QPRT: variants seen among roughly 807,000 people sequenced by gnomAD.
QPRT encodes the protein quinolinate phosphoribosyltransferase, also known as nicotinate-nucleotide pyrophosphorylase [carboxylating].
In QPRT, 17 loss-of-function variants were observed where a neutral mutation model predicts 19.8. That is an observed-to-expected ratio of 0.86 (90% CI 0.59 to 1.29). The LOEUF is 1.29. Ranked by LOEUF, QPRT falls within the 50% of genes most tolerant of loss-of-function variation. The pLI, the probability that QPRT is intolerant of heterozygous loss-of-function variation, is 0.00. For missense variants in QPRT, 336 were observed against 405.1 expected (o/e 0.83, Z 1.46); for synonymous variants, 178 against 191.0 (o/e 0.93, Z 0.56).
intron 1 of QPRT, among the ~76,000 whole-genome samples, chr16:29,692,090 A>C (rs1405601325): frequency 1.3e-5 from 2 of 152,162 alleles, no homozygotes; most frequent in African/African-American, 2.4e-5. Context: ...AGGGGAAGCC[A>C]ACTCCACGGA....
intron 1 of QPRT, among the ~76,000 whole-genome samples, chr16:29,680,502 G>A (rs1171355474): frequency 6.6e-6 from 1 of 152,056 alleles, no homozygotes; most frequent in Non-Finnish European, 1.5e-5. Context: ...CTAAACTGGC[G>A]CCCCGTAAAC....
Position 29,697,590 on chromosome 16 carries a change from A to G in QPRT, c.*179A>G. ...GTCAGGGCTGACTTCACCTCTGCTCATCTCAGTTTCCTAATCTGTAAAATG... is the reference window on the plus strand; with the variant it reads ...GTCAGGGCTGACTTCACCTCTGCTCGTCTCAGTTTCCTAATCTGTAAAATG... On this transcript the variant is annotated 3_prime_UTR_variant, in exon 4 of 4. Transcript: ENST00000395384. The surrounding 1 kb of genome is among the most constrained non-coding windows in gnomAD (Gnocchi z 4.4). 1 of 639,474 alleles carries G rather than the reference A, an allele frequency of 1.6e-6. No homozygotes were observed. The highest frequency in any genetic ancestry group is 2.0e-5 in the South Asian group (1 of 49,660). The allele number at this position is 639,474 out of a possible 1,614,324, so 39.6% of individuals were successfully genotyped here. A position where few individuals can be genotyped will look rare whatever the true frequency, so the allele number is the denominator to read the frequency against.
chr16:29,697,576 C>T lies in QPRT; in HGVS notation c.*165C>T, dbSNP rs1967589250. On this transcript the variant is annotated 3_prime_UTR_variant, in exon 4 of 4. Transcript: ENST00000395384. The surrounding 1 kb of genome is among the most constrained non-coding windows in gnomAD (Gnocchi z 4.4). ...TGCTCCTGTGACCTGTCAGGGCTGA[C>T]TTCACCTCTGCTCATCTCAGTTTCC... 3 of 685,166 alleles carry T rather than the reference C, an allele frequency of 4.4e-6. No homozygotes were observed. The highest frequency in any genetic ancestry group is 7.2e-6 in the Non-Finnish European group (3 of 414,384). The allele number at this position is 685,166 out of a possible 1,614,324, so 42.4% of individuals were successfully genotyped here.
At chr16:29,684,803 G>A (rs772365072) in intron 1 of QPRT, among the ~76,000 whole-genome samples, 4 of 152,188 alleles carry the variant, frequency 2.6e-5, no homozygotes, top group African/African-American at 7.2e-5. Context: ...ACCAGGCCAC[G>A]ATTCAGGAAA....
chr16:29,685,176 T>G (rs1279024549), intron 1 of QPRT, among the ~76,000 whole-genome samples: 1 of 152,148 alleles, frequency 6.6e-6, no homozygotes, highest in African/African-American at 2.4e-5. Flanking sequence ...TTTTTTCAAA[T>G]TAATTATTTG....
At chr16:29,686,289 C>T (rs944278069) in intron 1 of QPRT, among the ~76,000 whole-genome samples, 3 of 152,182 alleles carry the variant, frequency 2.0e-5, no homozygotes, top group Non-Finnish European at 2.9e-5. Flanking sequence ...CCCACCCCGA[C>T]ACTGTCTGCA....
upstream of QPRT, chr16:29,679,159 G>T (rs751329846): frequency 6.2e-7 from 1 of 1,613,790 alleles, no homozygotes; most frequent in Non-Finnish European, 8.5e-7. Flanking sequence ...CCTTGGTCCT[G>T]AGCAGCCAAC....
chr16:29,691,937 T>A (rs1567331138), intron 1 of QPRT, among the ~76,000 whole-genome samples: 3 of 152,186 alleles, frequency 2.0e-5, no homozygotes, highest in Admixed American at 6.5e-5. Flanking sequence ...GAGAGGGCCC[T>A]CTTTGGAGAG....
Position 29,697,624 on chromosome 16 carries a change from A to G in QPRT, c.*213A>G, listed in dbSNP as rs1216074299. 1.7e-6 allele frequency: 1 copy of G among 588,048 alleles called. No individual in the cohort carries two copies. Among genetic ancestry groups the G allele is most frequent in the Admixed American group, 3.2e-5 (1 of 31,722 alleles). The allele number at this position is 588,048 out of a possible 1,614,324, so 36.4% of individuals were successfully genotyped here. The stretch of plus-strand genomic sequence containing the variant: ...TCCTAATCTGTAAAATGGGTCTAAT[A>G]AAGGATCAACCACATGGGGTTCTGC... On this transcript the variant is annotated 3_prime_UTR_variant, in exon 4 of 4. Transcript: ENST00000395384. The surrounding 1 kb of genome is among the most constrained non-coding windows in gnomAD (Gnocchi z 4.4).
At chr16:29,691,109 A>C (rs896549071) in intron 1 of QPRT, among the ~76,000 whole-genome samples, 12 of 152,048 alleles carry the variant, frequency 7.9e-5, no homozygotes, top group Admixed American at 7.9e-4. Flanking sequence ...TCACGCCTGT[A>C]ATCCCAGCAC....
Position 29,694,807 on chromosome 16 carries a change from G to GTAC in QPRT, c.159_161dup (p.Leu54dup). 1 of 1,614,072 alleles carries GTAC rather than the reference G, an allele frequency of 6.2e-7. No homozygotes were observed. The highest frequency in any genetic ancestry group is 1.3e-5 in the African/African-American group (1 of 75,048). On this transcript the variant is annotated inframe_insertion, in exon 2 of 4. Coordinates refer to ENST00000395384, the MANE Select transcript of QPRT (RefSeq NM_014298.6). ...GGCGCTGTGGGCCAAATCCCCTGGG[G>GTAC]TACTGGCAGGGCAGCCTTTCTTCGA...
At position 29,697,038 on chromosome 16, in the gene QPRT, G is replaced by A. The variant is rs774772543; in HGVS notation, c.592G>A (p.Val198Met). 1 of 1,611,330 alleles carries A rather than the reference G, an allele frequency of 6.2e-7. No individual in the cohort carries two copies. The highest frequency in any genetic ancestry group is 8.5e-7 in the Non-Finnish European group (1 of 1,179,442). The change falls in exon 3 of 4, where the codon GTG becomes ATG. Residue 198 changes from valine (V) to methionine (M), a missense_variant. By Grantham distance (21) the Val-to-Met change is conservative (BLOSUM62 1). Coordinates refer to ENST00000395384, the MANE Select transcript of QPRT (RefSeq NM_014298.6). The surrounding 1 kb of genome is among the most constrained non-coding windows in gnomAD (Gnocchi z 4.4). ...ARQAADFTLK[V>M]EVECSSLQEA... ...ACAGGCGGCTGACTTCACTCTGAAG[G>A]TGGAAGTGGAATGCAGCAGCCTGCA...
At chr16:29,694,598 T>G (rs1007274572) in intron 1 of QPRT, 66 bp from the exon 2 acceptor site, 1 of 1,472,576 alleles carries the variant, frequency 6.8e-7, no homozygotes, top group Non-Finnish European at 9.1e-7. Flanking sequence ...TGTTAAATAT[T>G]TTGACAGTGA....
intron 1 of QPRT, among the ~76,000 whole-genome samples, chr16:29,692,093 T>G (rs1437495043): frequency 6.6e-6 from 1 of 152,154 alleles, no homozygotes; most frequent in Non-Finnish European, 1.5e-5. Flanking sequence ...GGAAGCCAAC[T>G]CCACGGATGG....
intron 1 of QPRT, among the ~76,000 whole-genome samples, chr16:29,679,752 C>G (rs542894052): frequency 7.2e-5 from 11 of 152,168 alleles, no homozygotes; most frequent in African/African-American, 2.4e-4. Flanking sequence ...TTTAAAGCAG[C>G]CCCAGGGGGC....
At chr16:29,690,520 TC>T (rs1967295318) in intron 1 of QPRT, among the ~76,000 whole-genome samples, 2 of 152,036 alleles carry the variant, frequency 1.3e-5, no homozygotes, top group East Asian at 3.8e-4. Flanking sequence ...TCGCCAGATC[TC>T]GGTGGTCAAC....
chr16:29,697,509 AT>A lies in QPRT; in HGVS notation c.*101del. ...TTAGGGTCAGTGGCCAATGGGGCAC[AT>A]TTGGCACTAGCTTGAGCCCAACTCT... On this transcript the variant is annotated 3_prime_UTR_variant, in exon 4 of 4. Coordinates refer to ENST00000395384, the MANE Select transcript of QPRT (RefSeq NM_014298.6). The surrounding 1 kb of genome is among the most constrained non-coding windows in gnomAD (Gnocchi z 4.4). 1 of 1,281,084 alleles carries A rather than the reference AT, an allele frequency of 7.8e-7. No individual in the cohort carries two copies. The highest frequency in any genetic ancestry group is 1.1e-6 in the Non-Finnish European group (1 of 935,824). 79.4% of individuals were successfully genotyped at this position (1,281,084 alleles called of 1,614,324 possible).
At chr16:29,681,528 G>A (rs12929982) in intron 1 of QPRT, among the ~76,000 whole-genome samples, 30,202 of 117,930 alleles carry the variant, frequency 0.26, 3,621 homozygotes, top group South Asian at 0.43. Flanking sequence ...ACAGAGTCTC[G>A]CCCTGTTGTC....
chr16:29,680,203 G>A (rs774368680), intron 1 of QPRT, among the ~76,000 whole-genome samples: 14 of 152,018 alleles, frequency 9.2e-5, no homozygotes, highest in Non-Finnish European at 1.8e-4. Context: ...TGATCCGCCC[G>A]TCTCTGCCTC....
Sources: gnomAD v4.1 joint callset for allele counts (sites outside exome capture counted in the v4.1 genomes callset) on GRCh38, gnomAD v4.1.1 for gene constraint, Gnocchi (gnomAD v3.1) non-coding constraint, MANE v1.5 for transcripts, NCBI Gene and HGNC (gene_info 2026-07-23, HGNC 2026-07-21) for gene names.